RALGPS2: variants seen among roughly 807,000 people sequenced by gnomAD.
RALGPS2 encodes the protein ras-specific guanine nucleotide-releasing factor RalGPS2.
A neutral mutation model predicts 86.8 loss-of-function variants in RALGPS2; 43 were observed. That is an observed-to-expected ratio of 0.50 (90% CI 0.39 to 0.64). RALGPS2 has a LOEUF of 0.64. Ranked by LOEUF, RALGPS2 falls within the 30% of genes least tolerant of loss-of-function variation. The probability of loss-of-function intolerance (pLI) is 0.00; values close to 1 mark genes in which losing one functional copy is unlikely to be tolerated. For missense variants in RALGPS2, 536 were observed against 694.6 expected, an observed-to-expected ratio of 0.77 and a Z score of 2.57; for synonymous variants, 243 against 231.3, an observed-to-expected ratio of 1.05 and a Z score of -0.46.
intron 4 of RALGPS2, among the ~76,000 whole-genome samples, chr1:178,794,547 T>G (rs1432408238): frequency 6.6e-6 from 1 of 152,216 alleles, no homozygotes; most frequent in Non-Finnish European, 1.5e-5. Context: ...AGGATTTTTG[T>G]TTTAGATTTT....
chr1:178,909,718 C>T (rs1325516579), intron 19 of RALGPS2, among the ~76,000 whole-genome samples: 6 of 136,886 alleles, frequency 4.4e-5, no homozygotes, highest in African/African-American at 1.4e-4. Context: ...GGCGCGGTCT[C>T]GGCTCATTGC....
At chr1:178,740,504 G>C (rs1650960178) in intron 1 of RALGPS2, among the ~76,000 whole-genome samples, 1 of 152,124 alleles carries the variant, frequency 6.6e-6, no homozygotes, top group Non-Finnish European at 1.5e-5. Context: ...AAGATGTGTT[G>C]GTGTAGAGTC....
intron 1 of RALGPS2, among the ~76,000 whole-genome samples, chr1:178,751,023 A>T (rs1651622487): frequency 6.6e-6 from 1 of 152,130 alleles, no homozygotes. Context: ...CTTAGTTAGG[A>T]AATCTTGATT....
chr1:178,897,772 C>T lies in RALGPS2; in HGVS notation c.1524+16C>T. 5 of 1,594,870 alleles carry T rather than the reference C, an allele frequency of 3.1e-6. No individual in the cohort carries two copies. Among genetic ancestry groups the T allele is most frequent in the Non-Finnish European group, 4.3e-6 (5 of 1,163,228 alleles). Reference sequence around the variant, plus strand: ...AAGAAAACATGTAAGTATTTGTTCTCTACATTTTTAGCGTGGTTTCCCAGA... The same window carrying T: ...AAGAAAACATGTAAGTATTTGTTCTTTACATTTTTAGCGTGGTTTCCCAGA... On this transcript the variant is annotated intron_variant, in intron 17 of 19. Coordinates refer to ENST00000367635, the MANE Select transcript of RALGPS2 (RefSeq NM_152663.5).
At chr1:178,914,636 C>G (rs1206579240) in intron 19 of RALGPS2, among the ~76,000 whole-genome samples, 1 of 151,946 alleles carries the variant, frequency 6.6e-6, no homozygotes, top group African/African-American at 2.4e-5. Flanking sequence ...CTCTTCCTGG[C>G]TTTGCCTAGT....
intron 8 of RALGPS2, among the ~76,000 whole-genome samples, chr1:178,855,518 A>G (rs1316822893): frequency 2.0e-5 from 3 of 152,012 alleles, no homozygotes; most frequent in African/African-American, 7.2e-5. Context: ...CATAAGTAGT[A>G]CAGACTAGTA....
In RALGPS2 at chr1:178,856,198, G is replaced by GAT. The variant is rs1232946834; in HGVS notation, c.608-21299_608-21298insTA. 9.3e-3 allele frequency among the ~76,000 whole-genome samples: 439 copies of GAT among 47,142 alleles called. 4 individuals are homozygous for GAT. The highest frequency in any genetic ancestry group is 0.025 in the African/African-American group (403 of 16,010). The allele number at this position is 47,142 out of a possible 152,430, so 30.9% of individuals were successfully genotyped here. A position where few individuals can be genotyped will look rare whatever the true frequency, so the allele number is the denominator to read the frequency against. On this transcript the variant is annotated intron_variant, in intron 8 of 19. Coordinates refer to ENST00000367635, the MANE Select transcript of RALGPS2 (RefSeq NM_152663.5). ...TGTTACCTGTACTTTTCCAGAGAGA[G>GAT]AGAGATATATATATATATATATATA... is the stretch of plus-strand genomic sequence containing the variant.
At chr1:178,817,301 C>T (rs1017232508) in intron 6 of RALGPS2, among the ~76,000 whole-genome samples, 3 of 141,706 alleles carry the variant, frequency 2.1e-5, no homozygotes, top group African/African-American at 5.3e-5. Context: ...GCTAAGATCA[C>T]GCCACTGCAC....
chr1:178,836,251 G>A lies in RALGPS2; in HGVS notation c.607+2701G>A, dbSNP rs117597306. Among the ~76,000 whole-genome samples the A allele has an allele frequency of 2.6e-5, 4 of 152,308 alleles. No homozygotes were observed. The East Asian group carries it at 7.7e-4, about 29-fold the overall frequency. On this transcript the variant is annotated intron_variant, in intron 8 of 19. Transcript: ENST00000367635. ...GTCTCAGCCCCCGACCTGAAACAAA[G>A]AGTAATCATACCTACGGGTTAAAGC...
At position 178,773,706 on chromosome 1, in the gene RALGPS2, G is replaced by C. The variant is rs181245111; in HGVS notation, c.-83-2976G>C. 1.1e-3 allele frequency among the ~76,000 whole-genome samples: 162 copies of C among 151,420 alleles called. No individual in the cohort carries two copies. The Middle Eastern group carries it at 0.014, about 13-fold the overall frequency. ...AGCTACTCAGGAGGCTGAGGCAGGA[G>C]AATGGTGTGAACCCGGGAGATGGAG... On this transcript the variant is annotated intron_variant, in intron 1 of 19. Transcript: ENST00000367635.
Position 178,776,721 on chromosome 1 carries a change from C to T in RALGPS2, c.-44C>T, listed in dbSNP as rs1572320209. On this transcript the variant is annotated 5_prime_UTR_variant, in exon 2 of 20. Transcript: ENST00000367635. ...TGGCCTTGGACATGAGGCAGTCAGT[C>T]CTCTGTTGCTGTTAACATAAGGTCA... 2 of 1,496,130 alleles carry T rather than the reference C, an allele frequency of 1.3e-6. No individual in the cohort carries two copies. Among genetic ancestry groups the T allele is most frequent in the African/African-American group, 2.8e-5 (2 of 71,656 alleles). The allele number at this position is 1,496,130 out of a possible 1,614,324, so 92.7% of individuals were successfully genotyped here. A position where few individuals can be genotyped will look rare whatever the true frequency, so the allele number is the denominator to read the frequency against.
intron 7 of RALGPS2, among the ~76,000 whole-genome samples, chr1:178,831,624 C>A (rs1394822665): frequency 7.2e-6 from 1 of 139,264 alleles, no homozygotes; most frequent in Non-Finnish European, 1.6e-5. Context: ...TTTTGTCCGC[C>A]CCGCCCCCCC....
At chr1:178,757,182 A>G (rs1651999838) in intron 1 of RALGPS2, among the ~76,000 whole-genome samples, 1 of 152,236 alleles carries the variant, frequency 6.6e-6, no homozygotes, top group South Asian at 2.1e-4. Context: ...TGAGTCATTT[A>G]TTGGTTGTAG....
At chr1:178,838,421 A>C (rs1191408885) in intron 8 of RALGPS2, among the ~76,000 whole-genome samples, 1 of 152,178 alleles carries the variant, frequency 6.6e-6, no homozygotes, top group East Asian at 1.9e-4. Flanking sequence ...CAGGGTCTGG[A>C]GTGGACCTCC....
At chr1:178,757,610 T>C (rs2102057891) in intron 1 of RALGPS2, among the ~76,000 whole-genome samples, 1 of 152,358 alleles carries the variant, frequency 6.6e-6, no homozygotes, top group African/African-American at 2.4e-5. Flanking sequence ...TTTGTGTATG[T>C]TGAACCAACC....
chr1:178,914,072 G>A (rs1660723734), intron 19 of RALGPS2, among the ~76,000 whole-genome samples: 1 of 152,150 alleles, frequency 6.6e-6, no homozygotes. Flanking sequence ...CAGGGACCTT[G>A]GAAGGGGCCA....
At chr1:178,870,038 G>A (rs1035648910) in intron 8 of RALGPS2, among the ~76,000 whole-genome samples, 1 of 152,044 alleles carries the variant, frequency 6.6e-6, no homozygotes, top group African/African-American at 2.4e-5. Flanking sequence ...GCTTTTGTGT[G>A]TATATCAATA....
intron 6 of RALGPS2, among the ~76,000 whole-genome samples, chr1:178,817,977 AT>A (rs1212892042): frequency 6.6e-6 from 1 of 152,192 alleles, no homozygotes; most frequent in Non-Finnish European, 1.5e-5. Flanking sequence ...TTTAAACATT[AT>A]ATTTAAAAGA....
intron 19 of RALGPS2, 63 bp from the exon 20 acceptor site, chr1:178,916,266 AG>A: frequency 7.5e-7 from 1 of 1,332,294 alleles, no homozygotes. Context: ...TAACAAGGAA[AG>A]ATAAGAAATA....
Sources: gnomAD v4.1 joint callset for allele counts (sites outside exome capture counted in the v4.1 genomes callset) on GRCh38, gnomAD v4.1.1 for gene constraint, MANE v1.5 for transcripts, NCBI Gene and HGNC (gene_info 2026-07-23, HGNC 2026-07-21) for gene names.